Variants in PEX14 observed in about 807,000 individuals in gnomAD.
PEX14 encodes the protein peroxisomal membrane protein PEX14.
In PEX14, 15 loss-of-function variants were observed where a neutral mutation model predicts 49.5. The ratio of observed to expected loss-of-function variants is 0.30; its 90% confidence interval spans 0.20 to 0.47. The LOEUF (loss-of-function observed/expected upper bound fraction) is 0.47. PEX14 is among the 20% of genes least tolerant of loss of function. The pLI is 1.00. For synonymous variants in PEX14, 210 were observed against 212.7 expected, an observed-to-expected ratio of 0.99 and a Z score of 0.11; for missense variants, 398 against 494.8, an observed-to-expected ratio of 0.80 and a Z score of 1.86.
intron 7 of PEX14, 61 bp downstream of exon 7, chr1:10,624,498 C>G (rs1641689583): frequency 8.6e-7 from 1 of 1,159,598 alleles, no homozygotes; most frequent in Non-Finnish European, 1.3e-6. Flanking sequence ...GCCCTTCACT[C>G]TTGTCCCTTG....
chr1:10,519,756 C>T (rs542098814), intron 2 of PEX14, among the ~76,000 whole-genome samples: 118 of 152,210 alleles, frequency 7.8e-4, no homozygotes, highest in Admixed American at 2.0e-3. Context: ...TTCATTTCTA[C>T]TTACTAGTGA....
intron 3 of PEX14, among the ~76,000 whole-genome samples, chr1:10,569,973 C>T (rs1639924383): frequency 6.6e-6 from 1 of 151,776 alleles, no homozygotes; most frequent in African/African-American, 2.4e-5. Context: ...TAATAATTTC[C>T]TCTCCTTTGT....
chr1:10,583,350 G>C lies in PEX14; in HGVS notation c.170-15888G>C, dbSNP rs910231812. On this transcript the variant is annotated intron_variant, in intron 3 of 8. Transcript: ENST00000356607. ...TCCTCCTGCTTCAGCCTCCCTAGTAGCTGAGACTACAAATATACACCATTG... is the reference window on the plus strand; with the variant it reads ...TCCTCCTGCTTCAGCCTCCCTAGTACCTGAGACTACAAATATACACCATTG... Among the ~76,000 whole-genome samples the C allele has an allele frequency of 2.1e-4, 31 of 148,876 alleles. No homozygotes were observed. In the Middle Eastern group the frequency reaches 0.014, roughly 69 times the overall value.
At chr1:10,493,667 A>G (rs1343258309) in intron 1 of PEX14, among the ~76,000 whole-genome samples, 1 of 152,080 alleles carries the variant, frequency 6.6e-6, no homozygotes, top group African/African-American at 2.4e-5. Context: ...GGCTCAAGCA[A>G]TCCATCCTCC....
chr1:10,548,651 G>T (rs946269950), intron 3 of PEX14, among the ~76,000 whole-genome samples: 1 of 152,160 alleles, frequency 6.6e-6, no homozygotes, highest in East Asian at 1.9e-4. Context: ...GTGATGGTGT[G>T]CTTCTATTTT....
chr1:10,579,248 T>C (rs894124680), intron 3 of PEX14, among the ~76,000 whole-genome samples: 4 of 151,772 alleles, frequency 2.6e-5, no homozygotes, highest in African/African-American at 9.7e-5. Context: ...GTTTTCAAAA[T>C]GGCGAAAGAA....
At chr1:10,537,230 C>G (rs1412015401) in intron 3 of PEX14, among the ~76,000 whole-genome samples, 6 of 150,048 alleles carry the variant, frequency 4.0e-5, no homozygotes, top group African/African-American at 1.5e-4. Flanking sequence ...GCAGAAGAAG[C>G]CCAAACATTT....
chr1:10,563,246 A>G (rs1336719660), intron 3 of PEX14, among the ~76,000 whole-genome samples: 1 of 151,146 alleles, frequency 6.6e-6, no homozygotes, highest in Non-Finnish European at 1.5e-5. Flanking sequence ...TCCTCTTACT[A>G]TTGAAATGTA....
chr1:10,509,889 A>T (rs1301391317), intron 2 of PEX14, among the ~76,000 whole-genome samples: 1 of 152,144 alleles, frequency 6.6e-6, no homozygotes, highest in Non-Finnish European at 1.5e-5. Flanking sequence ...AGCTTTGTAT[A>T]ATACAATGTA....
intron 3 of PEX14, among the ~76,000 whole-genome samples, chr1:10,572,364 A>C (rs1281664132): frequency 6.6e-6 from 1 of 152,228 alleles, no homozygotes; most frequent in Non-Finnish European, 1.5e-5. Context: ...ATGAGCTTGG[A>C]TTAGGCAAAG....
intron 3 of PEX14, among the ~76,000 whole-genome samples, chr1:10,545,049 T>G (rs905882164): frequency 1.3e-5 from 2 of 152,148 alleles, no homozygotes; most frequent in African/African-American, 2.4e-5. Flanking sequence ...AGGTGCAAAC[T>G]ACTGTGCCTG....
At chr1:10,599,863 C>T (rs1056526232) in intron 4 of PEX14, among the ~76,000 whole-genome samples, 1 of 152,078 alleles carries the variant, frequency 6.6e-6, no homozygotes. Flanking sequence ...TATGTAGTAG[C>T]GGTCTGTTAG....
intron 1 of PEX14, among the ~76,000 whole-genome samples, chr1:10,485,415 C>T (rs1395469049): frequency 6.8e-6 from 1 of 148,108 alleles, no homozygotes; most frequent in African/African-American, 2.5e-5. Context: ...GTCCTGGGCT[C>T]AAGTGATCCT....
intron 3 of PEX14, among the ~76,000 whole-genome samples, chr1:10,572,596 G>T (rs963219853): frequency 6.6e-6 from 1 of 152,012 alleles, no homozygotes; most frequent in Non-Finnish European, 1.5e-5. Context: ...GTGCGGTGGC[G>T]CAATCTCAGC....
intron 2 of PEX14, among the ~76,000 whole-genome samples, chr1:10,530,458 A>G (rs975311795): frequency 6.6e-6 from 1 of 151,980 alleles, no homozygotes; most frequent in African/African-American, 2.4e-5. Context: ...GCTAGGGGGC[A>G]CTTTGGCTCT....
chr1:10,615,891 A>G (rs1418581585), intron 4 of PEX14, among the ~76,000 whole-genome samples: 1 of 152,204 alleles, frequency 6.6e-6, no homozygotes, highest in Non-Finnish European at 1.5e-5. Flanking sequence ...AAGACTACTA[A>G]TGGCTGTTGG....
Position 10,501,146 on chromosome 1 carries a change from G to C in PEX14, c.84+5825G>C, listed in dbSNP as rs181458473. On this transcript the variant is annotated intron_variant, in intron 2 of 8. Transcript: ENST00000356607. ...AGTATTAAACGTAATTATTTAAAAAGTCTGTAGTGGTTGATTTCTGTGCAG... is the reference window on the plus strand; with the variant it reads ...AGTATTAAACGTAATTATTTAAAAACTCTGTAGTGGTTGATTTCTGTGCAG... Among the ~76,000 whole-genome samples the C allele has an allele frequency of 8.7e-4, 132 of 152,214 alleles. 2 individuals carry two copies. Among genetic ancestry groups the C allele is most frequent in the African/African-American group, 3.0e-3 (124 of 41,542 alleles).
chr1:10,594,592 T>C (rs1345997587), intron 3 of PEX14, among the ~76,000 whole-genome samples: 1 of 152,222 alleles, frequency 6.6e-6, no homozygotes, highest in Non-Finnish European at 1.5e-5. Flanking sequence ...TCTGTCCTGG[T>C]TGTTGTTTGA....
At chr1:10,625,612 A>C (rs1046766250) in intron 7 of PEX14, among the ~76,000 whole-genome samples, 1 of 151,882 alleles carries the variant, frequency 6.6e-6, no homozygotes, top group Non-Finnish European at 1.5e-5. Context: ...ACTGGTGACC[A>C]CCTCCAGCCA....
Sources: allele counts gnomAD v4.1 joint callset (sites outside exome capture counted in the v4.1 genomes callset), GRCh38; gene constraint gnomAD v4.1.1; transcripts MANE v1.5; gene names NCBI Gene and HGNC (gene_info 2026-07-23, HGNC 2026-07-21).